The following MMP26 variants were observed in gnomAD, a reference collection of about 807,000 sequenced individuals.
The protein encoded by MMP26 is matrix metallopeptidase 26.
Under a neutral mutation model 31.0 loss-of-function variants are expected in MMP26, and 33 were observed. The observed-to-expected ratio is 1.06, with a 90% confidence interval of 0.81 to 1.42. The LOEUF is 1.42. MMP26 is among the 40% of genes most tolerant of loss of function. The pLI is 0.00. For missense variants in MMP26, 347 were observed against 316.1 expected, an observed-to-expected ratio of 1.10 and a Z score of -0.74; for synonymous variants, 122 against 114.9, an observed-to-expected ratio of 1.06 and a Z score of -0.40.
chr11:4,746,767 G>A (rs2133297196), intron 1 of MMP26, among the ~76,000 whole-genome samples: 1 of 151,874 alleles, frequency 6.6e-6, no homozygotes, highest in Non-Finnish European at 1.5e-5. Context: ...CAGAGAGGTG[G>A]AGGTTGCAGT....
chr11:4,924,173 G>A, intron 2 of MMP26: 1 of 1,614,200 alleles, frequency 6.2e-7, no homozygotes, highest in Non-Finnish European at 8.5e-7. Context: ...TCCATGGAGA[G>A]TGGCATCAGT....
rs200906976 is a variant in MMP26, at chr11:4,848,750, G to T, written c.-145+81409G>T. 7.9e-5 allele frequency: 128 copies of T among 1,613,900 alleles called. No individual in the cohort carries two copies. Among genetic ancestry groups the T allele is most frequent in the Non-Finnish European group, 1.1e-4 (124 of 1,179,962 alleles). ...CCAGGCATCGAAAAGAAATGGCCAG[G>T]CTGATTTTGCTAATTACACCATTGG... On this transcript the variant is annotated intron_variant, in intron 2 of 7. Transcript: ENST00000380390.
rs1401388202 is a variant in MMP26 at position 4,903,149 on chromosome 11, CAT to C, written c.-144-84915_-144-84914del. 9.2e-5 allele frequency among the ~76,000 whole-genome samples: 14 copies of C among 152,096 alleles called. No homozygotes were observed. In the East Asian group the frequency reaches 2.7e-3, roughly 29 times the overall value. ...TTAATTTAAACCATGATGGAACTGA[CAT>C]ATAAAATAGAAATATGTGAATAAAA... On this transcript the variant is annotated intron_variant, in intron 2 of 7. Coordinates refer to ENST00000380390, the MANE Select transcript of MMP26 (RefSeq NM_021801.5).
intron 2 of MMP26, among the ~76,000 whole-genome samples, chr11:4,839,310 A>G (rs1849762744): frequency 6.6e-6 from 1 of 152,018 alleles, no homozygotes; most frequent in Admixed American, 6.6e-5. Flanking sequence ...GAACTGGTCC[A>G]GAGACAGTGG....
chr11:4,901,399 A>T (rs1385246337), intron 2 of MMP26, among the ~76,000 whole-genome samples: 1 of 151,720 alleles, frequency 6.6e-6, no homozygotes, highest in Non-Finnish European at 1.5e-5. Flanking sequence ...TGACCTTGTG[A>T]TCCGCCTGCC....
chr11:4,909,864 C>G (rs981790060), intron 2 of MMP26, among the ~76,000 whole-genome samples: 5 of 152,122 alleles, frequency 3.3e-5, no homozygotes, highest in African/African-American at 1.2e-4. Flanking sequence ...CTGCTTTTCT[C>G]TACTGCATTC....
chr11:4,982,466 A>G (rs1203630345), intron 2 of MMP26, among the ~76,000 whole-genome samples: 3 of 152,176 alleles, frequency 2.0e-5, no homozygotes, highest in Admixed American at 2.0e-4. Flanking sequence ...GCCTGTATGA[A>G]AGTTAAAAAT....
intron 2 of MMP26, chr11:4,875,477 T>G (rs150788731): frequency 6.6e-6 from 1 of 152,108 alleles, no homozygotes; most frequent in Non-Finnish European, 1.5e-5. Flanking sequence ...CATTCTTTTC[T>G]GCAATATTTT....
At chr11:4,956,300 C>T (rs1846441940) in intron 2 of MMP26, among the ~76,000 whole-genome samples, 1 of 152,166 alleles carries the variant, frequency 6.6e-6, no homozygotes, top group Non-Finnish European at 1.5e-5. Flanking sequence ...TTTACCTAAC[C>T]AGTGGCTCTC....
intron 1 of MMP26, among the ~76,000 whole-genome samples, chr11:4,738,509 T>C (rs554246673): frequency 6.6e-6 from 1 of 152,300 alleles, no homozygotes; most frequent in African/African-American, 2.4e-5. Context: ...CTACAGGGCC[T>C]TGTGATAAAG....
chr11:4,867,387 CTTTTT>C (rs3065176), intron 2 of MMP26, among the ~76,000 whole-genome samples: 4 of 98,292 alleles, frequency 4.1e-5, no homozygotes, highest in Admixed American at 1.2e-4. Context: ...AGATGCTGTC[CTTTTT>C]TTTTTTTTTT....
chr11:4,949,996 AGGGAGCT>A lies in MMP26; in HGVS notation c.-144-38071_-144-38065del, dbSNP rs1846356571. Among the ~76,000 whole-genome samples, 2 of 123,214 alleles carry A rather than the reference AGGGAGCT, an allele frequency of 1.6e-5. 1 individual carries two copies. The highest frequency in any genetic ancestry group is 4.8e-4 in the South Asian group (2 of 4,136). 80.8% of individuals were successfully genotyped at this position (123,214 alleles called of 152,430 possible). ...TTATGGTAAGGCATTAGAATCACCCAGGGAGCTCTCAAAAGTTGTGATATTCAGGTTC... is the reference window on the plus strand; with the variant it reads ...TTATGGTAAGGCATTAGAATCACCCACTCAAAAGTTGTGATATTCAGGTTC... On this transcript the variant is annotated intron_variant, in intron 2 of 7. Coordinates refer to ENST00000380390, the MANE Select transcript of MMP26 (RefSeq NM_021801.5).
chr11:4,900,136 T>C (rs952033124), intron 2 of MMP26, among the ~76,000 whole-genome samples: 11 of 152,146 alleles, frequency 7.2e-5, no homozygotes, highest in Non-Finnish European at 1.2e-4. Context: ...AGCTTTTGAG[T>C]GGTGTAGCCC....
At chr11:4,779,465 C>T (rs187183054) in intron 2 of MMP26, among the ~76,000 whole-genome samples, 24 of 151,980 alleles carry the variant, frequency 1.6e-4, no homozygotes, top group Admixed American at 1.4e-3. Context: ...TTTTGTAATG[C>T]CCTTTCAAGT....
At chr11:4,866,336 A>T (rs1227208243) in intron 2 of MMP26, among the ~76,000 whole-genome samples, 1 of 152,208 alleles carries the variant, frequency 6.6e-6, no homozygotes, top group Non-Finnish European at 1.5e-5. Flanking sequence ...TTAAAAACAC[A>T]GCAAGTCTCT....
intron 2 of MMP26, among the ~76,000 whole-genome samples, chr11:4,773,475 G>A (rs2133424927): frequency 6.6e-6 from 1 of 152,190 alleles, no homozygotes; most frequent in East Asian, 1.9e-4. Context: ...CACTTCATAA[G>A]CTTGGAAGGA....
intron 2 of MMP26, among the ~76,000 whole-genome samples, chr11:4,811,819 C>T (rs1018903526): frequency 6.6e-6 from 1 of 152,212 alleles, no homozygotes; most frequent in African/African-American, 2.4e-5. Flanking sequence ...ATCAGACTAC[C>T]CACACTACTT....
intron 2 of MMP26, among the ~76,000 whole-genome samples, chr11:4,965,732 G>C (rs1256533128): frequency 6.6e-6 from 1 of 152,152 alleles, no homozygotes; most frequent in Non-Finnish European, 1.5e-5. Context: ...AACTCCGTAA[G>C]TTTTATTGGT....
At chr11:4,810,252 G>C (rs574453742) in intron 2 of MMP26, among the ~76,000 whole-genome samples, 1 of 135,528 alleles carries the variant, frequency 7.4e-6, no homozygotes, top group South Asian at 2.6e-4. Flanking sequence ...TTTTTAGTCG[G>C]AGTACATATA....
Sources: gnomAD v4.1 joint callset for allele counts (sites outside exome capture counted in the v4.1 genomes callset) on GRCh38, gnomAD v4.1.1 for gene constraint, MANE v1.5 for transcripts, NCBI Gene and HGNC (gene_info 2026-07-23, HGNC 2026-07-21) for gene names.